CADPS: variants seen among roughly 807,000 people sequenced by gnomAD.
The protein encoded by CADPS is calcium dependent secretion activator.
In CADPS, 57 loss-of-function variants were observed where a neutral mutation model predicts 167.3. The observed-to-expected ratio is 0.34, with a 90% CI of 0.28 to 0.42. The LOEUF (loss-of-function observed/expected upper bound fraction) is 0.42. Among genes scored for constraint, CADPS ranks in the 20% least tolerant of loss-of-function variants. The probability of loss-of-function intolerance (pLI) is 1.00; values close to 1 mark genes in which losing one functional copy is unlikely to be tolerated. For missense variants in CADPS, 1,414 were observed against 1,738.1 expected, an observed-to-expected ratio of 0.81 and a Z score of 3.32; for synonymous variants, 676 against 635.3, an observed-to-expected ratio of 1.06 and a Z score of -0.96.
intron 1 of CADPS, among the ~76,000 whole-genome samples, chr3:62,771,655 C>T (rs2088797877): frequency 6.6e-6 from 1 of 152,120 alleles, no homozygotes; most frequent in South Asian, 2.1e-4. Context: ...ACCACTTGTA[C>T]ATCAAGGTCA....
intron 3 of CADPS, among the ~76,000 whole-genome samples, chr3:62,682,415 A>G (rs1226581018): frequency 1.3e-5 from 2 of 152,098 alleles, no homozygotes; most frequent in South Asian, 2.1e-4. Flanking sequence ...CTAACTACTC[A>G]TGACTGCCTT....
At chr3:62,614,162 T>A (rs1204409774) in intron 6 of CADPS, among the ~76,000 whole-genome samples, 1 of 152,204 alleles carries the variant, frequency 6.6e-6, no homozygotes, top group African/African-American at 2.4e-5. Context: ...AGGCAATGTT[T>A]CAAGAGGTTT....
chr3:62,425,738 A>G (rs1248660029), intron 28 of CADPS, among the ~76,000 whole-genome samples: 1 of 152,214 alleles, frequency 6.6e-6, no homozygotes, highest in African/African-American at 2.4e-5. Flanking sequence ...TGAATAGTGT[A>G]ATTTCTGAAA....
intron 20 of CADPS, 129 bp downstream of exon 20, chr3:62,492,161 T>A: frequency 1.3e-6 from 1 of 755,824 alleles, no homozygotes; most frequent in East Asian, 2.5e-5. Context: ...TTTTGGGGGG[T>A]GGGGTTAATC....
chr3:62,789,041 C>G (rs1247499691), intron 1 of CADPS, among the ~76,000 whole-genome samples: 1 of 152,106 alleles, frequency 6.6e-6, no homozygotes, highest in African/African-American at 2.4e-5. Flanking sequence ...TTGCTGAGAG[C>G]AGATATTAGT....
rs2082675574 is a variant in CADPS at position 62,751,419 on chromosome 3, C to G, written c.888+2022G>C. Among the ~76,000 whole-genome samples, 3 of 150,730 alleles carry G rather than the reference C, an allele frequency of 2.0e-5. No individual in the cohort carries two copies. The Admixed American group carries it at 2.0e-4, about 10-fold the overall frequency. ...GTAAAATACTAAATGTCTTAAGTAT[C>G]CCTGTCCCAAGAAGAAGTACTTTAT... On this transcript the variant is annotated intron_variant, in intron 3 of 29. Transcript: ENST00000383710.
intron 19 of CADPS, 122 bp downstream of exon 19, chr3:62,493,523 G>C (rs1487258184): frequency 1.5e-6 from 1 of 645,668 alleles, no homozygotes; most frequent in Non-Finnish European, 2.6e-6. Flanking sequence ...ATAAATGAAA[G>C]GGTTTGTTCA....
chr3:62,662,973 TATTTG>T (rs139545573), intron 3 of CADPS, among the ~76,000 whole-genome samples: 2,836 of 152,242 alleles, frequency 0.019, 72 homozygotes, highest in African/African-American at 0.062. Flanking sequence ...TAAAGAGAAC[TATTTG>T]GATATAAAGA....
intron 1 of CADPS, among the ~76,000 whole-genome samples, chr3:62,830,272 C>A (rs1025424851): frequency 2.6e-5 from 4 of 152,162 alleles, no homozygotes; most frequent in African/African-American, 4.8e-5. Context: ...TAGCCCACAG[C>A]AAAGCAAGTA....
intron 6 of CADPS, among the ~76,000 whole-genome samples, chr3:62,596,480 G>A (rs1461936114): frequency 6.6e-6 from 1 of 152,034 alleles, no homozygotes; most frequent in Admixed American, 6.5e-5. Context: ...TTACAGGCAT[G>A]AGCCACCACA....
intron 3 of CADPS, among the ~76,000 whole-genome samples, chr3:62,740,047 A>G (rs2152287759): frequency 6.6e-6 from 1 of 152,336 alleles, no homozygotes; most frequent in East Asian, 1.9e-4. Flanking sequence ...GTTGATTGCC[A>G]TGTTCATGGG....
At chr3:62,696,288 C>G (rs545528339) in intron 3 of CADPS, among the ~76,000 whole-genome samples, 8 of 152,146 alleles carry the variant, frequency 5.3e-5, no homozygotes, top group Non-Finnish European at 1.2e-4. Flanking sequence ...CAGGTACTTG[C>G]TCCTTCCTGG....
In CADPS at chr3:62,499,154, C is replaced by T. The variant is rs777699596; in HGVS notation, c.2706+8G>A. ...CAGTAAGATACACTTCCCACCAAGC[C>T]TGCTCACCTCTGCGTGGTGCTCCTC... On this transcript the variant is annotated splice_region_variant and intron_variant, in intron 18 of 29. Coordinates refer to ENST00000383710, the MANE Select transcript of CADPS (RefSeq NM_003716.4). The T allele has an allele frequency of 6.3e-7, 1 of 1,579,520 alleles. No homozygotes were observed. The highest frequency in any genetic ancestry group is 2.2e-5 in the East Asian group (1 of 44,664).
At chr3:62,845,251 T>C (rs555144906) in intron 1 of CADPS, among the ~76,000 whole-genome samples, 7 of 152,304 alleles carry the variant, frequency 4.6e-5, no homozygotes, top group South Asian at 2.1e-4. Context: ...AGCTTCTGTA[T>C]TGGAAGACCG....
At chr3:62,628,475 G>T (rs1350689141) in intron 6 of CADPS, among the ~76,000 whole-genome samples, 1 of 151,996 alleles carries the variant, frequency 6.6e-6, no homozygotes, top group Non-Finnish European at 1.5e-5. Context: ...TTCCCAGGTG[G>T]GGTGACAAAT....
At chr3:62,733,806 C>T (rs762395138) in intron 3 of CADPS, among the ~76,000 whole-genome samples, 2 of 152,072 alleles carry the variant, frequency 1.3e-5, no homozygotes, top group Admixed American at 6.6e-5. Context: ...GCAGTATACG[C>T]GATACCCAAT....
At chr3:62,863,536 G>A (rs1223127132) in intron 1 of CADPS, among the ~76,000 whole-genome samples, 4 of 152,150 alleles carry the variant, frequency 2.6e-5, no homozygotes, top group African/African-American at 7.2e-5. Flanking sequence ...GGAGTGCAAT[G>A]ACACTGAGGC....
intron 8 of CADPS, among the ~76,000 whole-genome samples, chr3:62,576,621 T>C (rs1347377308): frequency 1.9e-5 from 1 of 52,188 alleles, no homozygotes; most frequent in Non-Finnish European, 3.9e-5. Flanking sequence ...TGAAGACCCA[T>C]TTCTACTGAA....
chr3:62,607,130 T>C (rs74828214), intron 6 of CADPS, among the ~76,000 whole-genome samples: 4,300 of 152,328 alleles, frequency 0.028, 86 homozygotes, highest in Non-Finnish European at 0.042. Context: ...AGTTAGAATA[T>C]CACATTATGC....
Sources: allele counts gnomAD v4.1 joint callset (sites outside exome capture counted in the v4.1 genomes callset), GRCh38; gene constraint gnomAD v4.1.1; transcripts MANE v1.5; gene names NCBI Gene and HGNC (gene_info 2026-07-23, HGNC 2026-07-21).